The following GRB10 variants were observed in gnomAD, a reference collection of about 807,000 sequenced individuals.
GRB10 encodes the protein growth factor receptor bound protein 10.
Under a neutral mutation model 80.9 loss-of-function variants are expected in GRB10, and 20 were observed. The observed-to-expected ratio is 0.25, with a 90% CI of 0.17 to 0.36. The LOEUF (loss-of-function observed/expected upper bound fraction) is 0.36, where lower values mean the gene tolerates loss of function less well. GRB10 is among the 10% of genes least tolerant of loss of function. The probability of loss-of-function intolerance (pLI) is 1.00; values close to 1 mark genes in which losing one functional copy is unlikely to be tolerated. For synonymous variants in GRB10, 291 were observed against 291.5 expected, an observed-to-expected ratio of 1.00 and a Z score of 0.02; for missense variants, 548 against 747.7, an observed-to-expected ratio of 0.73 and a Z score of 3.12.
chr7:50,616,356 G>A lies in GRB10; in HGVS notation c.847-9C>T, dbSNP rs761755793. 2.5e-6 allele frequency: 4 copies of A among 1,612,762 alleles called. No individual in the cohort carries two copies. In the South Asian group the frequency reaches 3.3e-5, roughly 13 times the overall value. On this transcript the variant is annotated splice_polypyrimidine_tract_variant and intron_variant, in intron 10 of 18. Coordinates refer to ENST00000401949, the MANE Select transcript of GRB10 (RefSeq NM_001350814.2). Reference sequence around the variant, plus strand: ...CTGGAGTTCAGAAAATTCTGTTGAAGAACAAATTTTTAAAATCACATAATG... The same window carrying A: ...CTGGAGTTCAGAAAATTCTGTTGAAAAACAAATTTTTAAAATCACATAATG...
rs148014403 is a variant in GRB10 at position 50,696,073 on chromosome 7, A to G, written c.139+7748T>C. ...TAAGACAGAATAATAGTCTATCATC[A>G]GTGTATGTAATGTTTATCTGATCAG... On this transcript the variant is annotated intron_variant, in intron 5 of 18. Transcript: ENST00000401949. 1.1e-3 allele frequency among the ~76,000 whole-genome samples: 163 copies of G among 152,312 alleles called. 1 individual carries two copies. The highest frequency in any genetic ancestry group is 3.7e-3 in the African/African-American group (155 of 41,572).
intron 3 of GRB10, among the ~76,000 whole-genome samples, chr7:50,750,187 C>G (rs1354672122): frequency 6.6e-6 from 1 of 152,236 alleles, no homozygotes; most frequent in Non-Finnish European, 1.5e-5. Flanking sequence ...AAAACCAGCT[C>G]CCTCTCAACC....
At chr7:50,744,999 T>C (rs2072633500) in intron 3 of GRB10, among the ~76,000 whole-genome samples, 1 of 152,240 alleles carries the variant, frequency 6.6e-6, no homozygotes, top group African/African-American at 2.4e-5. Flanking sequence ...TTATGATTTG[T>C]ATATATTTTA....
intron 5 of GRB10, among the ~76,000 whole-genome samples, chr7:50,677,473 C>T (rs1006207949): frequency 6.6e-6 from 1 of 152,174 alleles, no homozygotes; most frequent in African/African-American, 2.4e-5. Context: ...GCGAAAATTG[C>T]AGTCCAGAGA....
intron 7 of GRB10, 55 bp from the exon 8 acceptor site, chr7:50,627,033 T>C: frequency 1.9e-6 from 3 of 1,566,910 alleles, no homozygotes; most frequent in African/African-American, 1.4e-5. Flanking sequence ...TTTCAAGAAA[T>C]AAAAACTGAA....
At chr7:50,640,680 CTTAT>C (rs1009230756) in intron 7 of GRB10, among the ~76,000 whole-genome samples, 1 of 152,246 alleles carries the variant, frequency 6.6e-6, no homozygotes, top group African/African-American at 2.4e-5. Flanking sequence ...CTCTCTGTAG[CTTAT>C]TTGCCATCCA....
chr7:50,763,721 T>G (rs1329010456), intron 2 of GRB10, among the ~76,000 whole-genome samples: 1 of 152,194 alleles, frequency 6.6e-6, no homozygotes, highest in Non-Finnish European at 1.5e-5. Flanking sequence ...CTTCCATCCA[T>G]GTAATCCGCT....
At chr7:50,742,263 GCGCGCGCGCA>G (rs2071930542) in intron 3 of GRB10, among the ~76,000 whole-genome samples, 1 of 26,354 alleles carries the variant, frequency 3.8e-5, no homozygotes, top group South Asian at 2.3e-3. Context: ...ACACGCGCAC[GCGCGCGCGCA>G]CACACACACA....
At chr7:50,758,705 C>T (rs2075394922) in intron 2 of GRB10, among the ~76,000 whole-genome samples, 1 of 152,152 alleles carries the variant, frequency 6.6e-6, no homozygotes, top group African/African-American at 2.4e-5. Flanking sequence ...AAATTAAACT[C>T]CATATTGTAC....
chr7:50,718,353 A>G (rs10265504), intron 4 of GRB10, among the ~76,000 whole-genome samples: 92,300 of 152,056 alleles, frequency 0.61, 31,160 homozygotes, highest in Middle Eastern at 0.86. Context: ...TTAGTTACCC[A>G]TGCAGAAATC....
intron 5 of GRB10, among the ~76,000 whole-genome samples, chr7:50,687,784 C>T (rs1205588828): frequency 6.6e-6 from 1 of 151,626 alleles, no homozygotes; most frequent in Non-Finnish European, 1.5e-5. Context: ...GAAGTTGGTG[C>T]TTGGTGGGAT....
intron 3 of GRB10, 42 bp from the exon 4 acceptor site, chr7:50,732,410 A>C (rs944948913): frequency 3.3e-5 from 40 of 1,229,868 alleles, no homozygotes; most frequent in Non-Finnish European, 4.5e-5. Context: ...CCAGAAAAAA[A>C]AAAAAAAATC....
rs544224199 is a variant in GRB10, at chr7:50,717,711, C to T, written c.52-13803G>A. On this transcript the variant is annotated intron_variant, in intron 4 of 18. Coordinates refer to ENST00000401949, the MANE Select transcript of GRB10 (RefSeq NM_001350814.2). ...AGATCTGAAGACAGCGTATCTTCTC[C>T]TGTGTCCATATTATCAACCAGGTGT... Among the ~76,000 whole-genome samples, 3 of 152,364 alleles carry T rather than the reference C, an allele frequency of 2.0e-5. No homozygotes were observed. The South Asian group carries it at 6.2e-4, about 32-fold the overall frequency.
chr7:50,663,994 C>G (rs2059545298), intron 7 of GRB10, among the ~76,000 whole-genome samples: 1 of 152,204 alleles, frequency 6.6e-6, no homozygotes, highest in South Asian at 2.1e-4. Flanking sequence ...AGTGGCAATT[C>G]TGATTTCTCT....
chr7:50,708,471 A>G (rs534850913), intron 4 of GRB10, among the ~76,000 whole-genome samples: 3 of 152,302 alleles, frequency 2.0e-5, no homozygotes, highest in Middle Eastern at 3.4e-3. Context: ...GTAAGCGGCA[A>G]ATGTCTACCC....
intron 5 of GRB10, among the ~76,000 whole-genome samples, chr7:50,696,978 C>T (rs777222011): frequency 1.3e-5 from 2 of 152,164 alleles, no homozygotes; most frequent in Non-Finnish European, 2.9e-5. Flanking sequence ...TATTATTTGG[C>T]CTTCAAAAGG....
chr7:50,625,386 TTATATA>T (rs551248898), intron 8 of GRB10, among the ~76,000 whole-genome samples: 5 of 151,788 alleles, frequency 3.3e-5, no homozygotes, highest in Admixed American at 3.3e-4. Context: ...TTTTAAAATT[TTATATA>T]TATATATTTT....
chr7:50,747,307 G>A (rs999669243), intron 3 of GRB10, among the ~76,000 whole-genome samples: 3 of 152,176 alleles, frequency 2.0e-5, no homozygotes, highest in Admixed American at 6.5e-5. Context: ...GAGGAAACCC[G>A]CGAAGCAGAG....
At chr7:50,702,567 C>T (rs903596100) in intron 5 of GRB10, among the ~76,000 whole-genome samples, 8 of 152,164 alleles carry the variant, frequency 5.3e-5, no homozygotes, top group African/African-American at 1.7e-4. Flanking sequence ...CCTCTGGTCA[C>T]GGAGCAGAGG....
Sources: gnomAD v4.1 joint callset for allele counts (sites outside exome capture counted in the v4.1 genomes callset) on GRCh38, gnomAD v4.1.1 for gene constraint, MANE v1.5 for transcripts, NCBI Gene and HGNC (gene_info 2026-07-23, HGNC 2026-07-21) for gene names.